The following LDLRAD4 variants were observed in gnomAD, a reference collection of about 807,000 sequenced individuals.
The protein encoded by LDLRAD4 is low-density lipoprotein receptor class A domain-containing protein 4.
A neutral mutation model predicts 17.0 loss-of-function variants in LDLRAD4; 5 were observed. That is an observed-to-expected ratio of 0.29 (90% CI 0.15 to 0.62). The LOEUF (loss-of-function observed/expected upper bound fraction) is 0.62. Ranked by LOEUF, LDLRAD4 falls within the 20% of genes least tolerant of loss-of-function variation. LDLRAD4 has a pLI of 0.84. For missense variants in LDLRAD4, 340 were observed against 424.7 expected, an observed-to-expected ratio of 0.80 and a Z score of 1.75; for synonymous variants, 168 against 171.8, an observed-to-expected ratio of 0.98 and a Z score of 0.17.
intron 3 of LDLRAD4, among the ~76,000 whole-genome samples, chr18:13,511,824 CAA>C (rs1377522252): frequency 6.6e-6 from 1 of 152,292 alleles, no homozygotes; most frequent in East Asian, 1.9e-4. Flanking sequence ...AGACCTAAAA[CAA>C]AGAGAAGACC....
intron 3 of LDLRAD4, chr18:13,487,555 T>TA (rs1219279966): frequency 5.9e-5 from 9 of 152,290 alleles, no homozygotes; most frequent in Non-Finnish European, 1.2e-4. Context: ...CCAGGGTTCT[T>TA]ACAGCCGCAG....
intron 2 of LDLRAD4, among the ~76,000 whole-genome samples, chr18:13,394,036 T>C (rs932232820): frequency 9.9e-5 from 15 of 152,224 alleles, no homozygotes; most frequent in Non-Finnish European, 1.3e-4. Context: ...GTAGAAATGA[T>C]TGATAGTGGC....
At chr18:13,361,541 T>A (rs7244716) in intron 1 of LDLRAD4, among the ~76,000 whole-genome samples, 1,586 of 152,296 alleles carry the variant, frequency 0.01, 27 homozygotes, top group African/African-American at 0.035. Flanking sequence ...TAAGCCAGAT[T>A]TCTGTTGTCC....
Position 13,606,947 on chromosome 18 carries a change from T to C in LDLRAD4, c.182-14170T>C, listed in dbSNP as rs1343424745. 3.3e-5 allele frequency among the ~76,000 whole-genome samples: 5 copies of C among 152,218 alleles called. No individual in the cohort carries two copies. In the South Asian group the frequency reaches 8.3e-4, roughly 25 times the overall value. On this transcript the variant is annotated intron_variant, in intron 3 of 5. Coordinates refer to ENST00000359446, the Ensembl canonical transcript of LDLRAD4. ...AGAGCCTCATGGCAACATGTGGAGATGTAGAATCTTTTACATGGATTTGCA... is the reference window on the plus strand; with the variant it reads ...AGAGCCTCATGGCAACATGTGGAGACGTAGAATCTTTTACATGGATTTGCA...
chr18:13,604,991 A>G (rs1285492908), intron 3 of LDLRAD4, among the ~76,000 whole-genome samples: 1 of 152,144 alleles, frequency 6.6e-6, no homozygotes, highest in Non-Finnish European at 1.5e-5. Context: ...CTCTCAAGGA[A>G]CAGGAAGGCC....
chr18:13,280,627 G>T (rs908116706), intron 1 of LDLRAD4, among the ~76,000 whole-genome samples: 2 of 152,226 alleles, frequency 1.3e-5, no homozygotes, highest in African/African-American at 2.4e-5. Flanking sequence ...TGTGGGCAAA[G>T]AAATCGTTAA....
chr18:13,359,864 C>G (rs2144614806), intron 1 of LDLRAD4, among the ~76,000 whole-genome samples: 1 of 152,354 alleles, frequency 6.6e-6, no homozygotes, highest in East Asian at 1.9e-4. Context: ...CTCCAACCTG[C>G]TTTGCCCTCA....
At chr18:13,577,053 A>T (rs2148405134) in intron 3 of LDLRAD4, among the ~76,000 whole-genome samples, 1 of 149,042 alleles carries the variant, frequency 6.7e-6, no homozygotes, top group Non-Finnish European at 1.5e-5. Context: ...TCCTGGTGAT[A>T]TTTTTGTTTT....
At chr18:13,219,919 G>A (rs1334038528) in intron 1 of LDLRAD4, among the ~76,000 whole-genome samples, 1 of 152,198 alleles carries the variant, frequency 6.6e-6, no homozygotes, top group Non-Finnish European at 1.5e-5. Context: ...ACTCGAGTGT[G>A]TTGTCATCTG....
chr18:13,261,843 G>A (rs962953905), intron 1 of LDLRAD4, among the ~76,000 whole-genome samples: 4 of 152,198 alleles, frequency 2.6e-5, no homozygotes, highest in Non-Finnish European at 4.4e-5. Flanking sequence ...TGGTGGGGGC[G>A]GGGGAGAGGC....
In LDLRAD4 at chr18:13,222,129, C is replaced by CT. The variant is rs553159843; in HGVS notation, c.-467+3145dup. Among the ~76,000 whole-genome samples, 944 of 152,234 alleles carry CT rather than the reference C, an allele frequency of 6.2e-3. 8 individuals carry two copies. Among genetic ancestry groups the CT allele is most frequent in the Non-Finnish European group, 9.7e-3 (657 of 68,012 alleles). On this transcript the variant is annotated intron_variant, in intron 1 of 5. Transcript: ENST00000399848. ...CCTTTATTAATTTTTAATGACTGTA[C>CT]TTTTGTTTTGCAGATTTTCCTCTGT...
chr18:13,412,177 C>A (rs2088434066), intron 2 of LDLRAD4, among the ~76,000 whole-genome samples: 1 of 152,142 alleles, frequency 6.6e-6, no homozygotes, highest in African/African-American at 2.4e-5. Flanking sequence ...TTGCTCAGGG[C>A]AATTCCCTAA....
intron 3 of LDLRAD4, among the ~76,000 whole-genome samples, chr18:13,492,165 G>A (rs180919399): frequency 6.6e-6 from 1 of 152,174 alleles, no homozygotes; most frequent in Non-Finnish European, 1.5e-5. Context: ...AACAGGCCAC[G>A]CTCTTGTCCC....
chr18:13,609,518 C>CGTGT lies in LDLRAD4; in HGVS notation c.182-11591_182-11588dup, dbSNP rs755496113. Among the ~76,000 whole-genome samples the CGTGT allele has an allele frequency of 8.4e-3, 985 of 117,504 alleles. 7 individuals are homozygous for CGTGT. The highest frequency in any genetic ancestry group is 0.019 in the African/African-American group (594 of 30,926). 77.1% of individuals were successfully genotyped at this position (117,504 alleles called of 152,430 possible). ...GACACCCACAGGAGCGCTCATTATG[C>CGTGT]GTGTGTGTGTGCGTGTGTGTGTGTG... On this transcript the variant is annotated intron_variant, in intron 3 of 5. Coordinates refer to ENST00000359446, the Ensembl canonical transcript of LDLRAD4.
intron 4 of LDLRAD4, chr18:13,642,199 G>A (rs924766108): frequency 1.0e-6 from 1 of 985,730 alleles, no homozygotes. Flanking sequence ...CAAACGCGGG[G>A]CTCGGTGTTT....
chr18:13,251,076 A>G (rs1361369816), intron 1 of LDLRAD4, among the ~76,000 whole-genome samples: 4 of 152,254 alleles, frequency 2.6e-5, no homozygotes, highest in Non-Finnish European at 5.9e-5. Context: ...TTCAGTATAC[A>G]TAAATCAAGA....
intron 1 of LDLRAD4, among the ~76,000 whole-genome samples, chr18:13,332,318 C>T (rs151330638): frequency 1.1e-3 from 174 of 152,282 alleles, no homozygotes; most frequent in African/African-American, 4.0e-3. Flanking sequence ...TTCTCATATA[C>T]CTCTCACCTT....
chr18:13,377,077 C>G (rs149866913), intron 1 of LDLRAD4, among the ~76,000 whole-genome samples: 449 of 152,310 alleles, frequency 2.9e-3, no homozygotes, highest in African/African-American at 0.01. Context: ...GAAGGTGCAT[C>G]GAGTCGGGAC....
intron 1 of LDLRAD4, among the ~76,000 whole-genome samples, chr18:13,295,613 G>A (rs1400604216): frequency 6.6e-6 from 1 of 152,228 alleles, no homozygotes; most frequent in Non-Finnish European, 1.5e-5. Flanking sequence ...GAAATGTTAA[G>A]CATTGTATAC....
Sources: gnomAD v4.1 joint callset for allele counts (sites outside exome capture counted in the v4.1 genomes callset) on GRCh38, gnomAD v4.1.1 for gene constraint, MANE v1.5 for transcripts, NCBI Gene and HGNC (gene_info 2026-07-23, HGNC 2026-07-21) for gene names.